The following FAM24B variants were observed in gnomAD, a reference collection of about 807,000 sequenced individuals.
FAM24B encodes the protein family with sequence similarity 24 member B.
In FAM24B, 3 loss-of-function variants were observed where a neutral mutation model predicts 2.3. That is an observed-to-expected ratio of 1.29 (90% confidence interval 0.59 to 3.32). FAM24B has a LOEUF of 3.32. FAM24B is among the 30% of genes most tolerant of loss of function. The pLI is 0.03. For missense variants in FAM24B, 98 were observed against 117.2 expected (o/e 0.84, Z 0.76); for synonymous variants, 36 against 46.3 (o/e 0.78, Z 0.90).
chr10:122,849,214 C>G lies in FAM24B; in HGVS notation c.*33G>C. The G allele has an allele frequency of 6.8e-7, 1 of 1,476,524 alleles. No individual in the cohort carries two copies. The highest frequency in any genetic ancestry group is 1.4e-5 in the South Asian group (1 of 70,986). The allele number at this position is 1,476,524 out of a possible 1,614,324, so 91.5% of individuals were successfully genotyped here. On this transcript the variant is annotated 3_prime_UTR_variant, in exon 4 of 4. Transcript: ENST00000368898. ...CAAAACAATCTACTAAGAAGTATTG[C>G]TCATGAAGATTTTTGTGCCCACCTT...
chr10:122,876,960 GCAA>G, intron 1 of FAM24B, among the ~76,000 whole-genome samples: 1 of 152,202 alleles, frequency 6.6e-6, no homozygotes. Flanking sequence ...CACTCTGTTA[GCAA>G]CAGTAGATAC....
intron 1 of FAM24B, among the ~76,000 whole-genome samples, chr10:122,856,115 A>G (rs1847633185): frequency 6.6e-6 from 1 of 152,192 alleles, no homozygotes; most frequent in Admixed American, 6.5e-5. Context: ...CTGCCACAGC[A>G]AAGAATGCCC....
chr10:122,865,401 G>C (rs1847787670), intron 1 of FAM24B, among the ~76,000 whole-genome samples: 1 of 151,966 alleles, frequency 6.6e-6, no homozygotes, highest in African/African-American at 2.4e-5. Context: ...TATGTGATAG[G>C]TTACACTAAT....
intron 1 of FAM24B, among the ~76,000 whole-genome samples, chr10:122,875,015 C>T (rs1259210790): frequency 6.6e-6 from 1 of 152,182 alleles, no homozygotes; most frequent in Non-Finnish European, 1.5e-5. Context: ...TAATTCCCAA[C>T]CATTATTTCT....
intron 2 of FAM24B, among the ~76,000 whole-genome samples, chr10:122,853,211 G>A (rs1016115307): frequency 5.9e-5 from 9 of 152,034 alleles, no homozygotes; most frequent in Non-Finnish European, 1.2e-4. Flanking sequence ...CCCCTATATG[G>A]GAAATTTTTA....
chr10:122,851,479 A>T (rs181059440), intron 2 of FAM24B, among the ~76,000 whole-genome samples: 1 of 152,392 alleles, frequency 6.6e-6, no homozygotes, highest in East Asian at 1.9e-4. Context: ...GCTGTGTGAC[A>T]TCAACGCTCT....
At chr10:122,876,817 C>T (rs1053552625) in intron 1 of FAM24B, among the ~76,000 whole-genome samples, 2 of 152,108 alleles carry the variant, frequency 1.3e-5, no homozygotes, top group South Asian at 2.1e-4. Context: ...AAGTGGTTTA[C>T]GTGTCACAGA....
intron 1 of FAM24B, among the ~76,000 whole-genome samples, chr10:122,875,818 T>C (rs568614042): frequency 2.1e-3 from 325 of 151,664 alleles, no homozygotes; most frequent in African/African-American, 7.6e-3. Context: ...GACAAGTGGG[T>C]TCAAGCATGT....
At chr10:122,872,004 C>T (rs1366114160) in intron 1 of FAM24B, among the ~76,000 whole-genome samples, 2 of 152,068 alleles carry the variant, frequency 1.3e-5, no homozygotes, top group South Asian at 4.2e-4. Flanking sequence ...AACAGGCAAC[C>T]TACAGAATGG....
At chr10:122,856,649 C>G (rs567494291) in intron 1 of FAM24B, among the ~76,000 whole-genome samples, 8 of 152,280 alleles carry the variant, frequency 5.3e-5, no homozygotes, top group African/African-American at 1.9e-4. Flanking sequence ...TCTAGCCATG[C>G]TGGGGAGTCT....
chr10:122,875,762 C>T (rs1027174453), intron 1 of FAM24B, among the ~76,000 whole-genome samples: 7 of 151,828 alleles, frequency 4.6e-5, no homozygotes, highest in African/African-American at 1.5e-4. Flanking sequence ...AAAAAAAAAC[C>T]CTGAAACTGG....
intron 3 of FAM24B, 151 bp downstream of exon 3, chr10:122,850,273 G>A: frequency 1.5e-6 from 1 of 666,630 alleles, no homozygotes; most frequent in South Asian, 1.8e-5. Context: ...AAAGCTGCCT[G>A]TTCTTCTTGA....
intron 1 of FAM24B, among the ~76,000 whole-genome samples, chr10:122,868,424 T>C (rs1047136531): frequency 1.7e-4 from 26 of 152,190 alleles, no homozygotes; most frequent in African/African-American, 6.3e-4. Flanking sequence ...ATTCAGGAAA[T>C]ATAGAGAACG....
chr10:122,875,734 A>C (rs938403224), intron 1 of FAM24B, among the ~76,000 whole-genome samples: 6 of 138,206 alleles, frequency 4.3e-5, no homozygotes, highest in African/African-American at 1.6e-4. Context: ...CACTAGGGAA[A>C]GGCAGTCTCC....
rs147922269 is a variant in FAM24B, at chr10:122,852,380, A to G, written c.-35-1830T>C. Among the ~76,000 whole-genome samples the G allele has an allele frequency of 2.1e-4, 32 of 152,296 alleles. No homozygotes were observed. The East Asian group carries it at 6.0e-3, about 28-fold the overall frequency. Reference sequence around the variant, plus strand: ...TGAATAGGGACTAGCGGAATATTTAAAAACTCCTGAGGGCCCAATTTTGTT... The same window carrying G: ...TGAATAGGGACTAGCGGAATATTTAGAAACTCCTGAGGGCCCAATTTTGTT... On this transcript the variant is annotated intron_variant, in intron 2 of 3. Transcript: ENST00000368898.
intron 1 of FAM24B, among the ~76,000 whole-genome samples, chr10:122,856,143 G>A (rs747289728): frequency 6.6e-6 from 1 of 151,792 alleles, no homozygotes; most frequent in Non-Finnish European, 1.5e-5. Context: ...AGCAGAGAGT[G>A]TCCAGGTATC....
At chr10:122,878,203 C>G (rs1307325471) in intron 1 of FAM24B, among the ~76,000 whole-genome samples, 1 of 152,122 alleles carries the variant, frequency 6.6e-6, no homozygotes, top group Non-Finnish European at 1.5e-5. Context: ...AGGAGGCAGG[C>G]AGAAGTCAAG....
intron 1 of FAM24B, among the ~76,000 whole-genome samples, chr10:122,857,363 A>C (rs948153347): frequency 6.6e-6 from 1 of 152,198 alleles, no homozygotes; most frequent in Non-Finnish European, 1.5e-5. Context: ...TTTGCCTACC[A>C]TGAGGTTACT....
chr10:122,850,751 T>C (rs1589667325), intron 2 of FAM24B: 1 of 470,804 alleles, frequency 2.1e-6, no homozygotes. Context: ...AAAAGTCAGT[T>C]TGTCAATGAA....
Sources: allele counts gnomAD v4.1 joint callset (sites outside exome capture counted in the v4.1 genomes callset), GRCh38; gene constraint gnomAD v4.1.1; transcripts MANE v1.5; gene names NCBI Gene and HGNC (gene_info 2026-07-23, HGNC 2026-07-21).